SOX6: variants seen among roughly 807,000 people sequenced by gnomAD.
SOX6 encodes transcription factor SOX-6.
A neutral mutation model predicts 97.8 loss-of-function variants in SOX6; 11 were observed. The observed-to-expected ratio is 0.11, with a 90% CI of 0.07 to 0.19. The LOEUF (loss-of-function observed/expected upper bound fraction) is 0.19. SOX6 is among the 10% of genes least tolerant of loss of function. The probability of loss-of-function intolerance (pLI) is 1.00; values close to 1 mark genes in which losing one functional copy is unlikely to be tolerated. For synonymous variants in SOX6, 360 were observed against 371.4 expected (o/e 0.97, Z 0.35); for missense variants, 810 against 1,039.5 (o/e 0.78, Z 3.04).
At chr11:16,566,988 A>T (rs564244698) in intron 4 of SOX6, among the ~76,000 whole-genome samples, 16 of 152,356 alleles carry the variant, frequency 1.1e-4, no homozygotes, top group African/African-American at 3.8e-4. Context: ...ATTATTCAGT[A>T]ATAAAAAGGA....
rs1397073853 is a variant in SOX6, at chr11:16,300,906, ACT to A, written c.445+17538_445+17539del. Among the ~76,000 whole-genome samples, 1 of 152,172 alleles carries A rather than the reference ACT, an allele frequency of 6.6e-6. No homozygotes were observed. The highest frequency in any genetic ancestry group is 1.5e-5 in the Non-Finnish European group (1 of 68,026). On this transcript the variant is annotated intron_variant, in intron 3 of 15. Coordinates refer to ENST00000683767, the MANE Select transcript of SOX6 (RefSeq NM_001367873.1). The surrounding 1 kb of genome is among the most constrained non-coding windows in gnomAD (Gnocchi z 4.1). ...GCACCATAAGATAAGATAAGGGATC[ACT>A]CTGTGACCTGTGTGCTATACCTTTG...
At chr11:15,996,492 G>A (rs1194682499) in intron 13 of SOX6, among the ~76,000 whole-genome samples, 2 of 152,018 alleles carry the variant, frequency 1.3e-5, no homozygotes, top group Admixed American at 6.6e-5. Context: ...AGCTAGGTGT[G>A]GCGGCATGCA....
intron 3 of SOX6, among the ~76,000 whole-genome samples, chr11:16,287,284 T>TCA (rs1471862315): frequency 1.2e-3 from 52 of 42,002 alleles, no homozygotes; most frequent in African/African-American, 3.2e-3. Flanking sequence ...TCTCTCTCTC[T>TCA]CTCTCTCTCT....
chr11:16,536,049 T>A (rs1490369977), intron 4 of SOX6, among the ~76,000 whole-genome samples: 1 of 152,198 alleles, frequency 6.6e-6, no homozygotes, highest in Non-Finnish European at 1.5e-5. Context: ...ATTTTACAGA[T>A]CACCCTCACA....
At chr11:16,310,493 T>C (rs1480198030) in intron 3 of SOX6, among the ~76,000 whole-genome samples, 3 of 152,092 alleles carry the variant, frequency 2.0e-5, no homozygotes, top group Non-Finnish European at 4.4e-5. Flanking sequence ...TTACTATGAA[T>C]ATGATACAAA....
intron 15 of SOX6, among the ~76,000 whole-genome samples, chr11:15,976,045 GC>G (rs1853473303): frequency 6.6e-6 from 1 of 152,094 alleles, no homozygotes; most frequent in African/African-American, 2.4e-5. Context: ...GCTGTTTTAA[GC>G]CCCCAGACAG....
chr11:16,361,684 A>G (rs1258265329), intron 1 of SOX6, among the ~76,000 whole-genome samples: 1 of 152,078 alleles, frequency 6.6e-6, no homozygotes, highest in African/African-American at 2.4e-5. Flanking sequence ...AAATACAACC[A>G]CCTCTGCACT....
chr11:16,258,386 A>T (rs1315714911), intron 3 of SOX6, among the ~76,000 whole-genome samples: 1 of 152,028 alleles, frequency 6.6e-6, no homozygotes, highest in Admixed American at 6.6e-5. Flanking sequence ...CTGAAAATAA[A>T]TGAGCTACCA....
At chr11:16,626,232 CAGG>C (rs1848621848) in intron 3 of SOX6, among the ~76,000 whole-genome samples, 1 of 152,188 alleles carries the variant, frequency 6.6e-6, no homozygotes, top group Non-Finnish European at 1.5e-5. Context: ...GTGATGGAAA[CAGG>C]AGTTTTACTT....
At chr11:16,234,495 T>A in intron 4 of SOX6, 87 bp downstream of exon 4, 2 of 764,240 alleles carry the variant, frequency 2.6e-6, no homozygotes, top group Admixed American at 2.1e-5. Context: ...GATTTACTGT[T>A]ACAGTACAGA....
chr11:16,694,029 A>T (rs775597208), intron 3 of SOX6, among the ~76,000 whole-genome samples: 1 of 152,170 alleles, frequency 6.6e-6, no homozygotes, highest in Non-Finnish European at 1.5e-5. Flanking sequence ...TCCCAAACCA[A>T]GTATCTAACT....
At chr11:16,178,634 A>ATATG (rs1851260948) in intron 6 of SOX6, among the ~76,000 whole-genome samples, 1 of 151,978 alleles carries the variant, frequency 6.6e-6, no homozygotes, top group African/African-American at 2.4e-5. Context: ...AGGGAGTATC[A>ATATG]TATGTATGTA....
In SOX6 at chr11:16,000,740, G is replaced by A. The variant is rs551178521; in HGVS notation, c.1733-11510C>T. ...AGTGTGTGTGTGTGTGCGCGCGTGC[G>A]CGTGTGTGTGTGTGAGAGACAGAGA... On this transcript the variant is annotated intron_variant, in intron 13 of 15. Coordinates refer to ENST00000683767, the MANE Select transcript of SOX6 (RefSeq NM_001367873.1). 1.7e-3 allele frequency among the ~76,000 whole-genome samples: 252 copies of A among 147,396 alleles called. 1 individual carries two copies. The highest frequency in any genetic ancestry group is 5.9e-3 in the African/African-American group (229 of 39,048).
At chr11:16,043,352 G>A (rs945869770) in intron 12 of SOX6, among the ~76,000 whole-genome samples, 5 of 152,120 alleles carry the variant, frequency 3.3e-5, no homozygotes, top group African/African-American at 1.2e-4. Context: ...ATGTTGAAAC[G>A]ATGGAGCAGA....
intron 5 of SOX6, among the ~76,000 whole-genome samples, chr11:16,184,901 C>CAGA (rs71044088): frequency 0.56 from 85,002 of 151,588 alleles, 24,357 homozygotes; most frequent in East Asian, 0.75. Context: ...AGAGAGCACT[C>CAGA]AGGACTTTGT....
intron 1 of SOX6, among the ~76,000 whole-genome samples, chr11:16,473,380 G>C (rs181374669): frequency 6.6e-6 from 1 of 152,182 alleles, no homozygotes; most frequent in Admixed American, 6.5e-5. Flanking sequence ...AAGAAACAAT[G>C]TATATACCTC....
Position 16,186,846 on chromosome 11 carries a change from C to T in SOX6, c.645G>A (p.Leu215=). The change falls in exon 5 of 16, where the codon CTG becomes CTA. Residue 215 remains leucine (L), a synonymous_variant. Coordinates refer to ENST00000683767, the MANE Select transcript of SOX6 (RefSeq NM_001367873.1). The stretch of plus-strand genomic sequence containing the variant: ...GTTGTTTCTCAATTTGTGACGCTGC[C>T]AGTTTTTTCTGTTCATCATGCGCTG... The part of the protein sequence containing the change: ...LLAAHDEQKK[L]AASQIEKQRQ... 1 of 1,613,764 alleles carries T rather than the reference C, an allele frequency of 6.2e-7. No individual in the cohort carries two copies. The highest frequency in any genetic ancestry group is 8.5e-7 in the Non-Finnish European group (1 of 1,179,840).
chr11:16,420,828 C>T (rs539922266), intron 1 of SOX6, among the ~76,000 whole-genome samples: 8 of 152,172 alleles, frequency 5.3e-5, no homozygotes, highest in Non-Finnish European at 1.2e-4. Flanking sequence ...ACATTTACAT[C>T]GGGGTTATTT....
chr11:16,304,634 G>GGAT (rs1855366502), intron 3 of SOX6, among the ~76,000 whole-genome samples: 1 of 152,102 alleles, frequency 6.6e-6, no homozygotes, highest in African/African-American at 2.4e-5. Context: ...CAAAGACATA[G>GGAT]GTTCATTGCT....
Sources: gnomAD v4.1 joint callset for allele counts (sites outside exome capture counted in the v4.1 genomes callset) on GRCh38, gnomAD v4.1.1 for gene constraint, Gnocchi (gnomAD v3.1) non-coding constraint, MANE v1.5 for transcripts, NCBI Gene and HGNC (gene_info 2026-07-23, HGNC 2026-07-21) for gene names.